Variants in CTNNBL1 observed in about 807,000 individuals in gnomAD.
CTNNBL1 encodes beta-catenin-like protein 1.
Under a neutral mutation model 72.7 loss-of-function variants are expected in CTNNBL1, and 31 were observed. That is an observed-to-expected ratio of 0.43 (90% CI 0.32 to 0.58). The LOEUF (loss-of-function observed/expected upper bound fraction) is 0.58. CTNNBL1 is among the 20% of genes least tolerant of loss of function. The probability of loss-of-function intolerance (pLI) is 0.08; values close to 1 mark genes in which losing one functional copy is unlikely to be tolerated. For missense variants in CTNNBL1, 534 were observed against 725.1 expected (o/e 0.74, Z 3.03); for synonymous variants, 240 against 267.3 (o/e 0.90, Z 1.00).
intron 3 of CTNNBL1, chr20:37,744,750 G>A (rs568305566): frequency 1.3e-5 from 2 of 152,218 alleles, no homozygotes; most frequent in Admixed American, 6.5e-5. Flanking sequence ...ATAATGATAA[G>A]GGGAATTATT....
chr20:37,755,634 G>T (rs2073357264), intron 4 of CTNNBL1, among the ~76,000 whole-genome samples: 1 of 152,188 alleles, frequency 6.6e-6, no homozygotes, highest in Admixed American at 6.5e-5. Flanking sequence ...TTTTCTTTCA[G>T]CAAAAGACCT....
At chr20:37,696,584 C>T (rs1017382586) in intron 1 of CTNNBL1, among the ~76,000 whole-genome samples, 2 of 143,554 alleles carry the variant, frequency 1.4e-5, no homozygotes, top group African/African-American at 5.2e-5. Context: ...GCTGGGATTA[C>T]GGGCATGCGC....
intron 7 of CTNNBL1, among the ~76,000 whole-genome samples, chr20:37,773,724 C>T (rs2073546244): frequency 6.6e-6 from 1 of 152,048 alleles, no homozygotes; most frequent in African/African-American, 2.4e-5. Flanking sequence ...TCCCACCTGG[C>T]CTAATTTCTT....
chr20:37,833,399 A>G (rs2072227911), intron 11 of CTNNBL1, among the ~76,000 whole-genome samples: 1 of 152,142 alleles, frequency 6.6e-6, no homozygotes, highest in Admixed American at 6.5e-5. Flanking sequence ...TGAGGCAGCT[A>G]GTTGTCTGAC....
chr20:37,694,254 C>A, intron 1 of CTNNBL1, 102 bp downstream of exon 1: 1 of 1,070,804 alleles, frequency 9.3e-7, no homozygotes, highest in Non-Finnish European at 1.3e-6. Flanking sequence ...CACTCCCGGG[C>A]CCTCTAACTT....
At chr20:37,826,015 G>A (rs1044982681) in intron 11 of CTNNBL1, among the ~76,000 whole-genome samples, 8 of 152,114 alleles carry the variant, frequency 5.3e-5, no homozygotes, top group Non-Finnish European at 2.9e-5. Context: ...AGGCTTCGTG[G>A]ACCTCTCCTT....
At chr20:37,711,251 A>G (rs1327375565) in intron 1 of CTNNBL1, among the ~76,000 whole-genome samples, 1 of 152,086 alleles carries the variant, frequency 6.6e-6, no homozygotes, top group Non-Finnish European at 1.5e-5. Context: ...ATAGTTTCCT[A>G]GTCATTCACC....
intron 7 of CTNNBL1, among the ~76,000 whole-genome samples, chr20:37,775,361 G>A (rs912425320): frequency 6.6e-6 from 1 of 152,108 alleles, no homozygotes. Flanking sequence ...CTATCCAAAC[G>A]CAGCTCCACA....
chr20:37,847,081 A>C (rs574762388), intron 13 of CTNNBL1, among the ~76,000 whole-genome samples: 28 of 152,206 alleles, frequency 1.8e-4, no homozygotes, highest in South Asian at 2.1e-4. Context: ...CGCTTTCCAC[A>C]TTATTCCTTA....
At chr20:37,718,512 C>T (rs1205129512) in intron 1 of CTNNBL1, among the ~76,000 whole-genome samples, 10 of 147,358 alleles carry the variant, frequency 6.8e-5, no homozygotes, top group African/African-American at 2.5e-4. Context: ...GGCAGAGGGG[C>T]TCCTCACTTC....
At chr20:37,803,399 G>T (rs1461021249) in intron 11 of CTNNBL1, among the ~76,000 whole-genome samples, 1 of 152,202 alleles carries the variant, frequency 6.6e-6, no homozygotes, top group Non-Finnish European at 1.5e-5. Context: ...GTCACCTCCA[G>T]AGTGGTGCTT....
intron 11 of CTNNBL1, among the ~76,000 whole-genome samples, chr20:37,829,945 C>T (rs1327966640): frequency 6.6e-6 from 1 of 152,150 alleles, no homozygotes; most frequent in Non-Finnish European, 1.5e-5. Flanking sequence ...GATCCTCCCA[C>T]TTTAGCCCCC....
intron 10 of CTNNBL1, among the ~76,000 whole-genome samples, chr20:37,798,350 T>A (rs563676755): frequency 2.0e-5 from 3 of 152,232 alleles, no homozygotes; most frequent in Non-Finnish European, 4.4e-5. Context: ...TAGGGAGCAG[T>A]GGATGACTCT....
chr20:37,750,912 A>G (rs2073313842), intron 4 of CTNNBL1: 1 of 152,196 alleles, frequency 6.6e-6, no homozygotes, highest in African/African-American at 2.4e-5. Context: ...CTCAGGAAAC[A>G]CCACTGATTG....
At chr20:37,787,343 G>GTTGT (rs1555828045) in intron 10 of CTNNBL1, among the ~76,000 whole-genome samples, 1 of 107,212 alleles carries the variant, frequency 9.3e-6, no homozygotes, top group East Asian at 2.7e-4. Context: ...ATAACTGTGT[G>GTTGT]TTTTTTTTTT....
intron 13 of CTNNBL1, among the ~76,000 whole-genome samples, chr20:37,857,407 A>G (rs983952660): frequency 6.6e-6 from 1 of 152,164 alleles, no homozygotes; most frequent in African/African-American, 2.4e-5. Context: ...TCACACATCC[A>G]ACACCCCCCA....
At chr20:37,811,017 A>G (rs2072007929) in intron 11 of CTNNBL1, among the ~76,000 whole-genome samples, 1 of 152,242 alleles carries the variant, frequency 6.6e-6, no homozygotes, top group Non-Finnish European at 1.5e-5. Flanking sequence ...CTGTTTCATT[A>G]GTATTAGTGG....
chr20:37,728,800 A>G (rs1269763852), intron 1 of CTNNBL1, among the ~76,000 whole-genome samples: 1 of 152,218 alleles, frequency 6.6e-6, no homozygotes, highest in Non-Finnish European at 1.5e-5. Flanking sequence ...CGGCTCTGCC[A>G]TAGAGTCATC....
At chr20:37,835,729 A>G (rs1447134958) in intron 11 of CTNNBL1, among the ~76,000 whole-genome samples, 2 of 152,226 alleles carry the variant, frequency 1.3e-5, no homozygotes, top group Non-Finnish European at 2.9e-5. Context: ...AGCAAGAATA[A>G]AATAACGCAA....
Sources: gnomAD v4.1 joint callset for allele counts (sites outside exome capture counted in the v4.1 genomes callset) on GRCh38, gnomAD v4.1.1 for gene constraint, MANE v1.5 for transcripts, NCBI Gene and HGNC (gene_info 2026-07-23, HGNC 2026-07-21) for gene names.